OCA2: variants seen among roughly 807,000 people sequenced by gnomAD.
The protein encoded by OCA2 is P protein.
A neutral mutation model predicts 100.2 loss-of-function variants in OCA2; 77 were observed. That is an observed-to-expected ratio of 0.77 (90% CI 0.64 to 0.93). OCA2 has a LOEUF of 0.93. OCA2 is among the 40% of genes least tolerant of loss of function. OCA2 has a pLI of 0.00. For synonymous variants in OCA2, 432 were observed against 439.2 expected (o/e 0.98, Z 0.21); for missense variants, 1,062 against 1,089.1 (o/e 0.98, Z 0.35).
chr15:27,894,515 G>C (rs1030586104), intron 19 of OCA2, among the ~76,000 whole-genome samples: 27 of 152,234 alleles, frequency 1.8e-4, no homozygotes, highest in African/African-American at 6.5e-4. Flanking sequence ...TCTGGGTCTT[G>C]ATGTCTCTAA....
At chr15:27,885,899 C>T (rs886918335) in intron 19 of OCA2, among the ~76,000 whole-genome samples, 15 of 152,120 alleles carry the variant, frequency 9.9e-5, no homozygotes, top group African/African-American at 3.1e-4. Context: ...CATATATTTG[C>T]CACAGATATA....
At chr15:28,081,981 T>A in intron 1 of OCA2, 86 bp from the exon 2 acceptor site, 1 of 1,158,848 alleles carries the variant, frequency 8.6e-7, no homozygotes, top group Non-Finnish European at 1.2e-6. Flanking sequence ...AATAGGAAGG[T>A]TGCTTCTTCG....
At chr15:28,097,666 ACCT>A (rs2045011198) in intron 1 of OCA2, among the ~76,000 whole-genome samples, 1 of 151,578 alleles carries the variant, frequency 6.6e-6, no homozygotes, top group African/African-American at 2.4e-5. Context: ...GTGTCCATCT[ACCT>A]CTTTGTGTCC....
At chr15:28,031,397 C>T (rs917352003) in intron 3 of OCA2, among the ~76,000 whole-genome samples, 1 of 152,188 alleles carries the variant, frequency 6.6e-6, no homozygotes, top group Non-Finnish European at 1.5e-5. Flanking sequence ...GCAGGCGGCT[C>T]AGGCTTCTGG....
At chr15:27,796,246 T>A (rs1052922871) in intron 23 of OCA2, among the ~76,000 whole-genome samples, 10 of 152,382 alleles carry the variant, frequency 6.6e-5, no homozygotes, top group African/African-American at 2.2e-4. Flanking sequence ...GACATGTGTT[T>A]CTAAGACTTC....
chr15:27,953,513 G>A (rs375420331), intron 17 of OCA2, among the ~76,000 whole-genome samples: 3 of 152,320 alleles, frequency 2.0e-5, no homozygotes, highest in African/African-American at 7.2e-5. Context: ...ATGCTCAGAG[G>A]AGAGTGATGC....
At chr15:28,045,814 T>C (rs55934164) in intron 2 of OCA2, among the ~76,000 whole-genome samples, 47,417 of 152,176 alleles carry the variant, frequency 0.31, 10,675 homozygotes, top group East Asian at 0.88. Context: ...CAAACTCATA[T>C]ATACTAGTCT....
intron 14 of OCA2, among the ~76,000 whole-genome samples, chr15:27,975,803 A>G (rs966901979): frequency 2.0e-5 from 3 of 152,120 alleles, no homozygotes; most frequent in Admixed American, 1.3e-4. Context: ...CAGCTTGTCA[A>G]TTTCTACCCA....
intron 1 of OCA2, among the ~76,000 whole-genome samples, chr15:28,086,256 T>C (rs1035029819): frequency 4.3e-4 from 66 of 152,234 alleles, no homozygotes; most frequent in Non-Finnish European, 1.6e-4. Context: ...CATTCACTTC[T>C]GCTCAGCAGT....
the OCA2 span, among the ~76,000 whole-genome samples, chr15:27,745,361 A>C: frequency 6.6e-6 from 1 of 152,202 alleles, no homozygotes; most frequent in East Asian, 1.9e-4. Flanking sequence ...AAGAATCAAT[A>C]TTATTATACT....
chr15:27,807,720 T>TA (rs921872033), intron 23 of OCA2, among the ~76,000 whole-genome samples: 12 of 152,164 alleles, frequency 7.9e-5, no homozygotes, highest in African/African-American at 2.4e-4. Context: ...TCCTCTCCCA[T>TA]AAAAAAAGAA....
chr15:27,739,504 G>A, the OCA2 span, among the ~76,000 whole-genome samples: 1,982 of 143,506 alleles, frequency 0.014, 28 homozygotes, highest in South Asian at 0.051. Context: ...GGAGTGCAGT[G>A]GCATGATCTC....
intron 23 of OCA2, among the ~76,000 whole-genome samples, chr15:27,775,405 C>T (rs1239753233): frequency 6.6e-6 from 1 of 152,188 alleles, no homozygotes; most frequent in Non-Finnish European, 1.5e-5. Flanking sequence ...GATCCCACAC[C>T]TATGGAGATG....
At chr15:27,850,445 T>C (rs188473799) in intron 22 of OCA2, among the ~76,000 whole-genome samples, 1 of 152,288 alleles carries the variant, frequency 6.6e-6, no homozygotes, top group African/African-American at 2.4e-5. Flanking sequence ...TCCTGTTCCT[T>C]ATTGTTGATG....
At position 28,081,705 on chromosome 15, in the gene OCA2, C is replaced by G. The variant is rs746247850; in HGVS notation, c.170G>C (p.Gly57Ala). ...GCCTGCAGGAGCCCAAGAGCTCTGC[C>G]CGGCAGCCCCCCTGGGGCAGGAGTG... ...PSHSCPRGAAGQSSWAPAGQE... is the reference protein window; with the variant it reads ...PSHSCPRGAAAQSSWAPAGQE... Residue 57 changes from glycine (G) to alanine (A), a missense_variant, in exon 2 of 24, where the codon GGG (glycine) becomes GCG (alanine). Transcript: ENST00000354638. 1.4e-5 allele frequency: 23 copies of G among 1,613,830 alleles called. No individual in the cohort carries two copies. The highest frequency in any genetic ancestry group is 1.9e-5 in the Non-Finnish European group (23 of 1,179,984).
chr15:27,855,926 T>C lies in OCA2; in HGVS notation c.2245-4451A>G, dbSNP rs886234662. Among the ~76,000 whole-genome samples the C allele has an allele frequency of 2.8e-4, 43 of 152,176 alleles. 1 individual carries two copies. The highest frequency in any genetic ancestry group is 1.0e-3 in the African/African-American group (42 of 41,438). ...CTGTATGAGCTCCCTGTAGCTGCTG[T>C]CACAAAGCACCACGAGCTGGGTACT... On this transcript the variant is annotated intron_variant, in intron 21 of 23. Transcript: ENST00000354638.
In OCA2 at chr15:27,912,354, A is replaced by G. The variant is rs577677623; in HGVS notation, c.2079+13773T>C. Among the ~76,000 whole-genome samples the G allele has an allele frequency of 2.0e-5, 3 of 152,330 alleles. No individual in the cohort carries two copies. The East Asian group carries it at 5.8e-4, about 29-fold the overall frequency. Reference sequence around the variant, plus strand: ...AATCTTTTGAGAGGCAGTTGATTCCAGGGCAAGAGCAGGCAAAATGCAAAA... The same window carrying G: ...AATCTTTTGAGAGGCAGTTGATTCCGGGGCAAGAGCAGGCAAAATGCAAAA... On this transcript the variant is annotated intron_variant, in intron 19 of 23. Coordinates refer to ENST00000354638, the MANE Select transcript of OCA2 (RefSeq NM_000275.3).
In OCA2 at chr15:28,069,927, G is replaced by A. The variant is rs1265055254; in HGVS notation, c.227+11721C>T. 1.5e-4 allele frequency among the ~76,000 whole-genome samples: 18 copies of A among 123,146 alleles called. 1 individual carries two copies. The highest frequency in any genetic ancestry group is 2.9e-4 in the Admixed American group (4 of 13,560). The allele number at this position is 123,146 out of a possible 152,430, so 80.8% of individuals were successfully genotyped here. A position where few individuals can be genotyped will look rare whatever the true frequency, so the allele number is the denominator to read the frequency against. ...AGTCTGGAAAGTAAGGAGCATCTCCGCCCGGCCGCCATCCCATCTAGGAAG... is the reference window on the plus strand; with the variant it reads ...AGTCTGGAAAGTAAGGAGCATCTCCACCCGGCCGCCATCCCATCTAGGAAG... On this transcript the variant is annotated intron_variant, in intron 2 of 23. Coordinates refer to ENST00000354638, the MANE Select transcript of OCA2 (RefSeq NM_000275.3).
chr15:27,763,213 T>C (rs1055609793), intron 23 of OCA2, among the ~76,000 whole-genome samples: 2 of 152,184 alleles, frequency 1.3e-5, no homozygotes, highest in African/African-American at 4.8e-5. Context: ...GCCTACAGTT[T>C]AGTGAAGAGT....
Sources: allele counts gnomAD v4.1 joint callset (sites outside exome capture counted in the v4.1 genomes callset), GRCh38; gene constraint gnomAD v4.1.1; transcripts MANE v1.5; gene names NCBI Gene and HGNC (gene_info 2026-07-23, HGNC 2026-07-21).